Variants in CFAP65 observed in about 807,000 individuals in gnomAD.
CFAP65 encodes the protein cilia and flagella associated protein 65, also known as cilia- and flagella-associated protein 65.
CFAP65 carries 155 observed loss-of-function variants against 208.0 expected under a neutral mutation model. The observed-to-expected ratio is 0.75, with a 90% confidence interval of 0.65 to 0.85. The LOEUF is 0.85. CFAP65 is among the 40% of genes least tolerant of loss of function. CFAP65 has a pLI of 0.00. For synonymous variants in CFAP65, 970 were observed against 986.3 expected (o/e 0.98, Z 0.31); for missense variants, 2,294 against 2,451.3 (o/e 0.94, Z 1.36).
rs1368871728 is a variant in CFAP65, at chr2:219,006,222, G to A, written c.4721C>T (p.Thr1574Ile). The A allele has an allele frequency of 3.1e-6, 5 of 1,605,308 alleles. No individual in the cohort carries two copies. Among genetic ancestry groups the A allele is most frequent in the Non-Finnish European group, 4.3e-6 (5 of 1,173,660 alleles). The change falls in exon 31 of 35, where the codon ACA becomes ATA. Residue 1574 changes from threonine to isoleucine, a missense_variant and splice_region_variant. Thr to Ile is a moderately conservative substitution (Grantham distance 89). Transcript: ENST00000341552. ...TACEPARKYK[T>I]LPPIKNQQSV... is the part of the protein sequence containing the mutation. ...CTGCTGGTTCTTGATGGGAGGCAGT[G>A]TCTTTGGGAAGGGAGGGACATGGAT...
Position 219,004,555 on chromosome 2 carries a change from T to C in CFAP65, c.5052-100A>G. 1 of 1,335,308 alleles carries C rather than the reference T, an allele frequency of 7.5e-7. No individual in the cohort carries two copies. Among genetic ancestry groups the C allele is most frequent in the Non-Finnish European group, 1.0e-6 (1 of 976,608 alleles). 82.7% of individuals were successfully genotyped at this position (1,335,308 alleles called of 1,614,324 possible). A position where few individuals can be genotyped will look rare whatever the true frequency, so the allele number is the denominator to read the frequency against. ...AGGTTCTAGGTGGGAAAGGGGCTGC[T>C]AGGTGGGGAGAGGGGAGCCCTTGGT... On this transcript the variant is annotated intron_variant, in intron 32 of 34. Coordinates refer to ENST00000341552, the MANE Select transcript of CFAP65 (RefSeq NM_194302.4). This position sits in a 1 kb window ranked among gnomAD's most constrained non-coding sequence, Gnocchi z 4.7.
intron 10 of CFAP65, 51 bp from the exon 11 acceptor site, chr2:219,029,719 G>C: frequency 6.3e-7 from 1 of 1,586,596 alleles, no homozygotes. Flanking sequence ...CTTAGACAAA[G>C]TTCCACTGAA....
chr2:219,013,820 G>A (rs920959205), intron 22 of CFAP65, 48 bp downstream of exon 22: 2 of 1,511,488 alleles, frequency 1.3e-6, no homozygotes, highest in Non-Finnish European at 1.8e-6. Flanking sequence ...GCCCGGGGTA[G>A]GGGCCTCTAT....
At chr2:219,014,966 AGG>A (rs1946758816) in intron 21 of CFAP65, 1 of 148,036 alleles carries the variant, frequency 6.8e-6, no homozygotes, top group African/African-American at 2.5e-5. Flanking sequence ...CACACCTGAG[AGG>A]AAGCACGCAA....
chr2:219,034,980 A>G (rs1042496620), intron 5 of CFAP65: 1 of 212,378 alleles, frequency 4.7e-6, no homozygotes. Context: ...GAACAGGTAC[A>G]TGGCCCAAGC....
chr2:219,004,314 C>T lies in CFAP65; in HGVS notation c.5193G>A (p.Leu1731=). 2 of 1,614,130 alleles carry T rather than the reference C, an allele frequency of 1.2e-6. No individual in the cohort carries two copies. Among genetic ancestry groups the T allele is most frequent in the East Asian group, 4.5e-5 (2 of 44,886 alleles). The change falls in exon 33 of 35, where the codon CTG becomes CTA. Residue 1731 remains leucine (L), a synonymous_variant. Transcript: ENST00000341552. The surrounding 1 kb of genome is among the most constrained non-coding windows in gnomAD (Gnocchi z 4.7). ...QKNSLYLMPI[L]PVPSSSWEDG... Reference sequence around the variant, plus strand: ...CCTCCCAGCTGCTGGAGGGTACAGGCAGGATTGGCATTAAGTACAGGCTGT... The same window carrying T: ...CCTCCCAGCTGCTGGAGGGTACAGGTAGGATTGGCATTAAGTACAGGCTGT...
intron 11 of CFAP65, among the ~76,000 whole-genome samples, chr2:219,028,699 G>A (rs16859483): frequency 0.044 from 6,753 of 152,192 alleles, 246 homozygotes; most frequent in African/African-American, 0.094. Flanking sequence ...CCAGCCCAGA[G>A]GCCTGCCAAA....
chr2:219,009,176 G>A (rs1301861494), intron 28 of CFAP65, 22 bp from the exon 29 acceptor site: 1 of 1,604,952 alleles, frequency 6.2e-7, no homozygotes. Context: ...GACAGAGAGA[G>A]AGAAGGCCAA....
chr2:219,031,786 ACT>A lies in CFAP65; in HGVS notation c.646-130_646-129del. On this transcript the variant is annotated intron_variant, in intron 6 of 34. Coordinates refer to ENST00000341552, the MANE Select transcript of CFAP65 (RefSeq NM_194302.4). This position sits in a 1 kb window ranked among gnomAD's most constrained non-coding sequence, Gnocchi z 5.2. Reference sequence around the variant, plus strand: ...GGCCAGGCCGTGGCACCCACGTCAGACTCTGAGGGGAGCTGGGCACCTATGTT... The same window carrying A: ...GGCCAGGCCGTGGCACCCACGTCAGACTGAGGGGAGCTGGGCACCTATGTT... 1 of 1,069,008 alleles carries A rather than the reference ACT, an allele frequency of 9.4e-7. No homozygotes were observed. Among genetic ancestry groups the A allele is most frequent in the East Asian group, 2.6e-5 (1 of 38,994 alleles). The allele number at this position is 1,069,008 out of a possible 1,614,324, so 66.2% of individuals were successfully genotyped here.
chr2:219,035,231 A>G, intron 5 of CFAP65: 1 of 1,287,844 alleles, frequency 7.8e-7, no homozygotes, highest in Non-Finnish European at 1.0e-6. Flanking sequence ...TCCCAAATAG[A>G]AACAGCCCAA....
rs1158231689 is a variant in CFAP65 at position 219,023,210 on chromosome 2, T to C, written c.2817A>G (p.Arg939=). The C allele has an allele frequency of 1.2e-6, 2 of 1,611,128 alleles. No homozygotes were observed. The highest frequency in any genetic ancestry group is 1.7e-5 in the Admixed American group (1 of 59,934). The part of the protein sequence containing the change: ...PSRGLIQPNE[R]LTLTWTFSPL... ...CGGCAGGAGGGGAGCCACTCACAAGTCTCTCGTTGGGCTGGATTAGCCCCC... is the reference window on the plus strand; with the variant it reads ...CGGCAGGAGGGGAGCCACTCACAAGCCTCTCGTTGGGCTGGATTAGCCCCC... The change falls in exon 16 of 35, where the codon AGA becomes AGG. Residue 939 remains arginine, a synonymous_variant. Transcript: ENST00000341552.
At chr2:219,011,186 A>T (rs1946451854) in intron 24 of CFAP65, among the ~76,000 whole-genome samples, 190 bp from the exon 25 acceptor site, 1 of 151,032 alleles carries the variant, frequency 6.6e-6, no homozygotes, top group Non-Finnish European at 1.5e-5. Context: ...ATATTTTAGG[A>T]TAATCTGTAA....
In CFAP65 at chr2:219,003,121, C is replaced by T. The variant is rs959900230; in HGVS notation, c.5693+14G>A. ...TCGCGCGGTCTGCGCGGCCGCTGGT[C>T]CCGGCGCCCTTACCTGGGCACGCAG... On this transcript the variant is annotated intron_variant, in intron 34 of 34. Transcript: ENST00000341552. The surrounding 1 kb of genome is among the most constrained non-coding windows in gnomAD (Gnocchi z 4.4). 2 of 1,542,382 alleles carry T rather than the reference C, an allele frequency of 1.3e-6. No homozygotes were observed. The highest frequency in any genetic ancestry group is 3.9e-5 in the Admixed American group (2 of 50,646).
At position 219,014,160 on chromosome 2, in the gene CFAP65, C is replaced by T. The variant is rs1946680561; in HGVS notation, c.3603-116G>A. On this transcript the variant is annotated intron_variant, in intron 21 of 34. Coordinates refer to ENST00000341552, the MANE Select transcript of CFAP65 (RefSeq NM_194302.4). ...TCTTCCATGACTCCCGCACTTCATG[C>T]ACCCATTTGGCAAACTGTCCCATGT... The T allele has an allele frequency of 9.1e-6, 8 of 882,622 alleles. No individual in the cohort carries two copies. In the Middle Eastern group the frequency reaches 1.2e-3, roughly 131 times the overall value. The allele number at this position is 882,622 out of a possible 1,614,324, so 54.7% of individuals were successfully genotyped here.
At chr2:219,011,655 G>A (rs1946494948) in intron 24 of CFAP65, among the ~76,000 whole-genome samples, 1 of 152,150 alleles carries the variant, frequency 6.6e-6, no homozygotes, top group Non-Finnish European at 1.5e-5. Flanking sequence ...CAAAGGTTGG[G>A]AATCATAGAA....
chr2:219,005,703 A>G (rs1335527740), intron 31 of CFAP65, 141 bp from the exon 32 acceptor site: 5 of 977,380 alleles, frequency 5.1e-6, no homozygotes, highest in Non-Finnish European at 7.5e-6. Context: ...ATGTAGTGCT[A>G]CTGGGTTCAG....
intron 4 of CFAP65, among the ~76,000 whole-genome samples, chr2:219,035,937 G>A (rs559045556): frequency 1.2e-4 from 19 of 152,232 alleles, no homozygotes; most frequent in African/African-American, 3.6e-4. Flanking sequence ...TTCCCTGGGC[G>A]GCTCCATCAG....
rs1039318354 is a variant in CFAP65, at chr2:219,028,489, G to A, written c.1651-88C>T. ...GGGTTGAACTGAGGACAGAAGCTGG[G>A]CAGACAGGATAACAGAGGCAGTGGG... On this transcript the variant is annotated intron_variant, in intron 11 of 34. Transcript: ENST00000341552. The A allele has an allele frequency of 1.2e-5, 14 of 1,184,968 alleles. No homozygotes were observed. The African/African-American group carries it at 2.1e-4, about 18-fold the overall frequency. The allele number at this position is 1,184,968 out of a possible 1,614,324, so 73.4% of individuals were successfully genotyped here. A position where few individuals can be genotyped will look rare whatever the true frequency, so the allele number is the denominator to read the frequency against.
At chr2:219,014,149 C>G in intron 21 of CFAP65, 105 bp from the exon 22 acceptor site, 1 of 986,062 alleles carries the variant, frequency 1.0e-6, no homozygotes. Flanking sequence ...CCATGACTCC[C>G]GCACTTCATG....
Sources: allele counts gnomAD v4.1 joint callset (sites outside exome capture counted in the v4.1 genomes callset), GRCh38; gene constraint gnomAD v4.1.1; non-coding constraint Gnocchi (gnomAD v3.1); transcripts MANE v1.5; gene names NCBI Gene and HGNC (gene_info 2026-07-23, HGNC 2026-07-21).